RANBP2: variants seen among roughly 807,000 people sequenced by gnomAD.
The protein encoded by RANBP2 is E3 SUMO-protein ligase RanBP2.
Under a neutral mutation model 303.6 loss-of-function variants are expected in RANBP2, and 57 were observed. That is an observed-to-expected ratio of 0.19 (90% CI 0.15 to 0.23). The LOEUF is 0.23. RANBP2 is among the 10% of genes least tolerant of loss of function. RANBP2 has a pLI of 1.00. For missense variants in RANBP2, 3,138 were observed against 3,780.8 expected (o/e 0.83, Z 4.46); for synonymous variants, 1,167 against 1,301.5 (o/e 0.90, Z 2.23).
chr2:109,203,123 G>C, the RANBP2 span, among the ~76,000 whole-genome samples: 3 of 152,120 alleles, frequency 2.0e-5, no homozygotes, highest in African/African-American at 7.2e-5. Flanking sequence ...CCCTGGGCCT[G>C]TCCGTGTCCT....
At chr2:109,069,140 A>C in the RANBP2 span, among the ~76,000 whole-genome samples, 1 of 152,238 alleles carries the variant, frequency 6.6e-6, no homozygotes, top group African/African-American at 2.4e-5. Context: ...GTACTAATAA[A>C]TTTTCTATCT....
At chr2:109,732,958 T>C in the RANBP2 span, 1 of 630,460 alleles carries the variant, frequency 1.6e-6, no homozygotes, top group Admixed American at 1.9e-5. Context: ...AAAAAAGAAG[T>C]AGAAATCATG....
chr2:108,775,773 A>G lies in RANBP2; in HGVS notation c.8334A>G (p.Val2778=), dbSNP rs758018669. The change falls in exon 24 of 29, where the codon GTA becomes GTG. Residue 2778 remains valine, a synonymous_variant. Transcript: ENST00000283195. ...AAATAACTAGCACAACTGACAGTGT[A>G]TATACAGGTGGGACTGAAGTGATGG... ...TEEITSTTDS[V]YTGGTEVMVP... is the part of the protein sequence containing the mutation. 1.2e-6 allele frequency: 2 copies of G among 1,613,760 alleles called. No individual in the cohort carries two copies. The highest frequency in any genetic ancestry group is 2.2e-5 in the East Asian group (1 of 44,806).
the RANBP2 span, among the ~76,000 whole-genome samples, chr2:108,849,919 G>C: frequency 6.6e-6 from 1 of 152,184 alleles, no homozygotes; most frequent in African/African-American, 2.4e-5. Context: ...CTCTCCAGTA[G>C]CTGCAGGCAG....
the RANBP2 span, among the ~76,000 whole-genome samples, chr2:109,302,915 C>G: frequency 6.6e-6 from 1 of 152,150 alleles, no homozygotes; most frequent in African/African-American, 2.4e-5. Context: ...CTTGCTCTGT[C>G]CTCCAGGCTG....
chr2:109,545,439 T>A, the RANBP2 span: 1 of 1,536,122 alleles, frequency 6.5e-7, no homozygotes, highest in Non-Finnish European at 8.7e-7. Context: ...GGCTGCCCCC[T>A]TGCACTGTGG....
chr2:109,139,948 G>T, the RANBP2 span, among the ~76,000 whole-genome samples: 7 of 152,200 alleles, frequency 4.6e-5, no homozygotes, highest in African/African-American at 1.7e-4. Context: ...GCAGATGGAG[G>T]CTGTTTGTCT....
the RANBP2 span, among the ~76,000 whole-genome samples, chr2:109,695,738 G>A: frequency 6.6e-6 from 1 of 152,156 alleles, no homozygotes; most frequent in African/African-American, 2.4e-5. Flanking sequence ...AGAGGTATAG[G>A]GGGAAAGACC....
At chr2:109,498,531 G>A in the RANBP2 span, among the ~76,000 whole-genome samples, 42,123 of 152,148 alleles carry the variant, frequency 0.28, 6,156 homozygotes, top group African/African-American at 0.37. Context: ...TGAACACGTG[G>A]GGTGGGGAAG....
chr2:109,521,305 A>G, the RANBP2 span, among the ~76,000 whole-genome samples: 1 of 152,136 alleles, frequency 6.6e-6, no homozygotes, highest in Non-Finnish European at 1.5e-5. Context: ...CAAGAGGGGC[A>G]GGGACAGAAG....
the RANBP2 span, among the ~76,000 whole-genome samples, chr2:108,813,286 A>G: frequency 1.4e-5 from 2 of 146,930 alleles, no homozygotes; most frequent in Non-Finnish European, 3.0e-5. Context: ...AATTTCTCCA[A>G]TGGAAAGCCA....
the RANBP2 span, among the ~76,000 whole-genome samples, chr2:108,930,780 A>C: frequency 6.6e-6 from 1 of 152,354 alleles, no homozygotes; most frequent in Non-Finnish European, 1.5e-5. Context: ...AACGAAATCA[A>C]TGTAACTTCA....
At chr2:109,012,558 G>A in the RANBP2 span, among the ~76,000 whole-genome samples, 2 of 152,102 alleles carry the variant, frequency 1.3e-5, no homozygotes. Context: ...TGAAGCCCAA[G>A]CTTCTGCTTT....
At chr2:109,664,746 A>G in the RANBP2 span, among the ~76,000 whole-genome samples, 1 of 152,192 alleles carries the variant, frequency 6.6e-6, no homozygotes, top group Non-Finnish European at 1.5e-5. Flanking sequence ...CCTGGCTAAC[A>G]TGGTGAAACC....
chr2:108,971,009 G>C, the RANBP2 span, among the ~76,000 whole-genome samples: 8 of 152,270 alleles, frequency 5.3e-5, no homozygotes, highest in South Asian at 1.4e-3. Context: ...GCTGTGTCCT[G>C]CTGTGGACCT....
At chr2:109,617,386 T>G in the RANBP2 span, 8 of 167,096 alleles carry the variant, frequency 4.8e-5, no homozygotes, top group Non-Finnish European at 1.2e-4. Flanking sequence ...AATTAAGTAC[T>G]CGTTTAAGTA....
the RANBP2 span, among the ~76,000 whole-genome samples, chr2:108,974,327 C>T: frequency 2.2e-5 from 1 of 45,268 alleles, no homozygotes; most frequent in South Asian, 1.3e-3. Flanking sequence ...GAGGATCCGT[C>T]TCAAAAAAAA....
chr2:108,847,029 A>G, the RANBP2 span: 1 of 730,422 alleles, frequency 1.4e-6, no homozygotes, highest in Non-Finnish European at 2.3e-6. Context: ...CATTTTCAGA[A>G]TGAGGTTTTG....
At chr2:108,733,257 C>CTTTTTTT (rs34665362) in intron 4 of RANBP2, among the ~76,000 whole-genome samples, 1 of 85,004 alleles carries the variant, frequency 1.2e-5, no homozygotes, top group Non-Finnish European at 2.1e-5. Flanking sequence ...TAACCATTCC[C>CTTTTTTT]TTTTTTTTTT....
Sources: gnomAD v4.1 joint callset for allele counts (sites outside exome capture counted in the v4.1 genomes callset) on GRCh38, gnomAD v4.1.1 for gene constraint, MANE v1.5 for transcripts, NCBI Gene and HGNC (gene_info 2026-07-23, HGNC 2026-07-21) for gene names.